The following NCALD variants were observed in gnomAD, a reference collection of about 807,000 sequenced individuals.
NCALD encodes neurocalcin delta.
A neutral mutation model predicts 18.6 loss-of-function variants in NCALD; 10 were observed. That is an observed-to-expected ratio of 0.54 (90% CI 0.33 to 0.91). The LOEUF (loss-of-function observed/expected upper bound fraction) is 0.91, where lower values mean the gene tolerates loss of function less well. Ranked by LOEUF, NCALD falls within the 40% of genes least tolerant of loss-of-function variation. The pLI is 0.03. For missense variants in NCALD, 184 were observed against 247.6 expected (o/e 0.74, Z 1.72); for synonymous variants, 88 against 87.4 (o/e 1.01, Z -0.04).
At chr8:101,998,369 C>A (rs977340392) in intron 2 of NCALD, among the ~76,000 whole-genome samples, 1 of 152,068 alleles carries the variant, frequency 6.6e-6, no homozygotes, top group Non-Finnish European at 1.5e-5. Flanking sequence ...CCCTGTCTCT[C>A]CCCACCCCAC....
intron 1 of NCALD, among the ~76,000 whole-genome samples, chr8:102,107,192 GTACATA>G (rs1461540256): frequency 2.6e-5 from 2 of 76,816 alleles, no homozygotes; most frequent in South Asian, 4.4e-4. Flanking sequence ...ATATATGTGT[GTACATA>G]TATATATATA....
At chr8:101,832,744 A>C (rs1311300441) in intron 4 of NCALD, among the ~76,000 whole-genome samples, 1 of 152,228 alleles carries the variant, frequency 6.6e-6, no homozygotes, top group Non-Finnish European at 1.5e-5. Context: ...ATGCCAACAT[A>C]AATATTGTGG....
chr8:102,009,508 T>C (rs1245590129), intron 2 of NCALD, among the ~76,000 whole-genome samples: 4 of 152,202 alleles, frequency 2.6e-5, no homozygotes, highest in Non-Finnish European at 5.9e-5. Context: ...TTAGCTGGGG[T>C]CCTTCATATT....
intron 2 of NCALD, among the ~76,000 whole-genome samples, chr8:101,972,436 T>A (rs1353277934): frequency 6.6e-6 from 1 of 152,236 alleles, no homozygotes; most frequent in Non-Finnish European, 1.5e-5. Flanking sequence ...AGTGTAACTA[T>A]TTTTTCCCTC....
chr8:102,107,195 CATATATATATATATATATATATATAT>C (rs67447416), intron 1 of NCALD, among the ~76,000 whole-genome samples: 34 of 89,304 alleles, frequency 3.8e-4, no homozygotes, highest in East Asian at 2.4e-3. Flanking sequence ...TATGTGTGTA[CATATATATATATATATATATATATAT>C]ATATATATAT....
chr8:101,832,413 T>C (rs1814228095), intron 4 of NCALD, among the ~76,000 whole-genome samples: 1 of 152,186 alleles, frequency 6.6e-6, no homozygotes. Flanking sequence ...CATTTGATTC[T>C]CCCCATCTTG....
chr8:101,921,950 A>AT (rs56034254), intron 2 of NCALD, among the ~76,000 whole-genome samples: 25,953 of 145,804 alleles, frequency 0.18, 2,738 homozygotes, highest in African/African-American at 0.3. Flanking sequence ...TGAAAAGTAC[A>AT]TTTTTTTTTT....
At position 101,699,170 on chromosome 8, in the gene NCALD, C is replaced by T. The variant is rs535153194; in HGVS notation, c.379-6274G>A. On this transcript the variant is annotated intron_variant, in intron 2 of 3. Transcript: ENST00000220931. ...TGCAGCCTACAAACATATGAAAAAG[C>T]GTATGATCATTAGAGAAATGCGAAT... Among the ~76,000 whole-genome samples, 24 of 150,712 alleles carry T rather than the reference C, an allele frequency of 1.6e-4. 1 individual carries two copies. The highest frequency in any genetic ancestry group is 3.4e-3 in the Middle Eastern group (1 of 292).
intron 3 of NCALD, among the ~76,000 whole-genome samples, chr8:101,900,785 A>G (rs114813388): frequency 0.016 from 2,467 of 152,002 alleles, 60 homozygotes; most frequent in African/African-American, 0.055. Flanking sequence ...ATATTTTGGT[A>G]TACATTTTGT....
chr8:101,838,693 G>T (rs751968786), intron 4 of NCALD, among the ~76,000 whole-genome samples: 98 of 152,280 alleles, frequency 6.4e-4, no homozygotes, highest in Middle Eastern at 6.8e-3. Flanking sequence ...ATAAATTTTG[G>T]TGCTTCACTG....
intron 3 of NCALD, among the ~76,000 whole-genome samples, chr8:101,903,456 A>C (rs1012775775): frequency 2.6e-5 from 4 of 152,002 alleles, no homozygotes; most frequent in African/African-American, 9.7e-5. Context: ...CAGCCTCCCA[A>C]AGTGCTGGGG....
intron 1 of NCALD, among the ~76,000 whole-genome samples, chr8:102,021,631 G>A: frequency 6.6e-6 from 1 of 152,188 alleles, no homozygotes; most frequent in East Asian, 1.9e-4. Context: ...CCTGGCACCA[G>A]GTGCCTCCAC....
intron 1 of NCALD, among the ~76,000 whole-genome samples, chr8:102,080,838 TC>T (rs1228321198): frequency 6.6e-6 from 1 of 152,234 alleles, no homozygotes; most frequent in African/African-American, 2.4e-5. Flanking sequence ...GGTCTGGGTC[TC>T]CAGCCCACTC....
At chr8:102,005,884 G>A (rs894137280) in intron 2 of NCALD, among the ~76,000 whole-genome samples, 5 of 145,448 alleles carry the variant, frequency 3.4e-5, no homozygotes, top group African/African-American at 1.3e-4. Flanking sequence ...GTTGTGGGGT[G>A]GGGGGGCAGG....
At chr8:102,036,631 T>C (rs998019539) in intron 1 of NCALD, among the ~76,000 whole-genome samples, 1 of 151,854 alleles carries the variant, frequency 6.6e-6, no homozygotes, top group African/African-American at 2.4e-5. Context: ...AAAAATTAGC[T>C]GGGCGTGGTG....
chr8:101,736,480 G>A (rs1809919622), intron 1 of NCALD, among the ~76,000 whole-genome samples: 1 of 152,204 alleles, frequency 6.6e-6, no homozygotes, highest in African/African-American at 2.4e-5. Context: ...TATTTATACA[G>A]CAGGTGTGGA....
chr8:101,923,375 A>G (rs1218279430), intron 2 of NCALD, among the ~76,000 whole-genome samples: 2 of 152,236 alleles, frequency 1.3e-5, no homozygotes, highest in Non-Finnish European at 2.9e-5. Flanking sequence ...TAGAAAGAGC[A>G]CAGAAATGGA....
chr8:102,122,219 T>C (rs1254639883), intron 1 of NCALD, among the ~76,000 whole-genome samples: 1 of 151,950 alleles, frequency 6.6e-6, no homozygotes. Flanking sequence ...GTTGGGGAGA[T>C]GATAGATGCT....
At chr8:101,699,041 A>G (rs1391946195) in intron 2 of NCALD, among the ~76,000 whole-genome samples, 1 of 151,076 alleles carries the variant, frequency 6.6e-6, no homozygotes, top group African/African-American at 2.4e-5. Flanking sequence ...CAAAGGTCTA[A>G]TATCCAGAAT....
Sources: allele counts gnomAD v4.1 joint callset (sites outside exome capture counted in the v4.1 genomes callset), GRCh38; gene constraint gnomAD v4.1.1; transcripts MANE v1.5; gene names NCBI Gene and HGNC (gene_info 2026-07-23, HGNC 2026-07-21).